Variants in NDRG2 observed in about 807,000 individuals in gnomAD.
The protein encoded by NDRG2 is NDRG family member 2.
Under a neutral mutation model 58.2 loss-of-function variants are expected in NDRG2, and 34 were observed. That is an observed-to-expected ratio of 0.58 (90% CI 0.44 to 0.78). The LOEUF (loss-of-function observed/expected upper bound fraction) is 0.78. Among genes scored for constraint, NDRG2 ranks in the 30% least tolerant of loss-of-function variants. The probability of loss-of-function intolerance (pLI) is 0.00; values close to 1 mark genes in which losing one functional copy is unlikely to be tolerated. For missense variants in NDRG2, 434 were observed against 471.2 expected, an observed-to-expected ratio of 0.92 and a Z score of 0.73; for synonymous variants, 187 against 175.9, an observed-to-expected ratio of 1.06 and a Z score of -0.50.
chr14:21,069,209 AC>A (rs897540014), intron 1 of NDRG2, among the ~76,000 whole-genome samples: 1 of 151,438 alleles, frequency 6.6e-6, no homozygotes, highest in Non-Finnish European at 1.5e-5. Context: ...CTCCTGGGAG[AC>A]CCCCCATCTG....
chr14:21,040,641 G>A lies in NDRG2; in HGVS notation c.25-17320C>T, dbSNP rs115453673. On this transcript the variant is annotated intron_variant, in intron 1 of 14. Transcript: ENST00000403829. ...ATGACCTGGTCTCTGGTCCCTCTCT[G>A]AACTCTCAGTTACCTGCTCCAGCCA... Among the ~76,000 whole-genome samples the A allele has an allele frequency of 6.8e-3, 1,036 of 152,230 alleles. 7 individuals are homozygous for A. The highest frequency in any genetic ancestry group is 0.024 in the African/African-American group (985 of 41,520).
At chr14:21,067,303 C>T (rs1249389436) in intron 1 of NDRG2, among the ~76,000 whole-genome samples, 3 of 151,432 alleles carry the variant, frequency 2.0e-5, no homozygotes, top group Non-Finnish European at 2.9e-5. Flanking sequence ...CTCTGACCCA[C>T]GGGGACATAT....
At position 21,070,238 on chromosome 14, in the gene NDRG2, G is replaced by C. The variant is rs1439186138; in HGVS notation, c.24+590C>G. On this transcript the variant is annotated intron_variant, in intron 1 of 14. Transcript: ENST00000403829. This position sits in a 1 kb window ranked among gnomAD's most constrained non-coding sequence, Gnocchi z 4.7. ...GGCGGCCGTCTCGGCCCTCCCTGGC[G>C]GGGCCCCGCGGCCTGGAAGCCGGAG... 4.2e-6 allele frequency: 3 copies of C among 708,482 alleles called. No individual in the cohort carries two copies. Among genetic ancestry groups the C allele is most frequent in the Non-Finnish European group, 5.6e-6 (3 of 532,512 alleles). The allele number at this position is 708,482 out of a possible 1,614,324, so 43.9% of individuals were successfully genotyped here.
intron 6 of NDRG2, 162 bp from the exon 7 acceptor site, chr14:21,021,006 G>C (rs2138903966): frequency 1.3e-6 from 1 of 784,450 alleles, no homozygotes; most frequent in Middle Eastern, 2.2e-4. Flanking sequence ...GGCCCAAGAA[G>C]CCAAAGGTTG....
At chr14:21,042,580 G>A in intron 1 of NDRG2, 1 of 207,534 alleles carries the variant, frequency 4.8e-6, no homozygotes. Context: ...CACGCATTGG[G>A]GAAAGGGGAG....
rs1594479782 is a variant in NDRG2, at chr14:21,032,260, A to C, written c.25-8939T>G. 5 of 700,974 alleles carry C rather than the reference A, an allele frequency of 7.1e-6. No homozygotes were observed. In the East Asian group the frequency reaches 1.4e-4, roughly 20 times the overall value. 43.4% of individuals were successfully genotyped at this position (700,974 alleles called of 1,614,324 possible). On this transcript the variant is annotated intron_variant, in intron 1 of 14. Transcript: ENST00000403829. ...CAGGAGGGTGGGTTCTCCACCACAC[A>C]CCCTTCGCTCTGCTTAGCCTTATGC...
intron 15 of NDRG2, 39 bp downstream of exon 15, chr14:21,017,948 C>G: frequency 6.2e-7 from 1 of 1,614,094 alleles, no homozygotes; most frequent in Non-Finnish European, 8.5e-7. Flanking sequence ...CAGTGCCTAT[C>G]TCTCCTCTAG....
At chr14:21,030,116 C>G (rs1038295705), upstream of NDRG2, 3 of 154,382 alleles carry the variant, frequency 1.9e-5, no homozygotes, top group Non-Finnish European at 1.4e-5. Flanking sequence ...AGACCAAAAG[C>G]CCCCTCCTTT....
chr14:21,056,981 C>T (rs1221438036), intron 1 of NDRG2, among the ~76,000 whole-genome samples: 1 of 152,200 alleles, frequency 6.6e-6, no homozygotes, highest in African/African-American at 2.4e-5. Flanking sequence ...GCGATCCCTT[C>T]ACTAGGAGTG....
At position 21,048,792 on chromosome 14, in the gene NDRG2, C is replaced by G. The variant is rs567031141; in HGVS notation, c.24+22036G>C. 2.0e-5 allele frequency among the ~76,000 whole-genome samples: 3 copies of G among 152,266 alleles called. No homozygotes were observed. In the East Asian group the frequency reaches 5.8e-4, roughly 29 times the overall value. On this transcript the variant is annotated intron_variant, in intron 1 of 14. Transcript: ENST00000403829. ...AATGGAGCAGGCCTGACTTCCGTGA[C>G]AGAAGAACAAAGGATTTAAACAAGG...
At chr14:21,032,211 T>A in intron 1 of NDRG2, 1 of 947,526 alleles carries the variant, frequency 1.1e-6, no homozygotes, top group Non-Finnish European at 1.7e-6. Context: ...CCTACTAGTG[T>A]AGAGAGAGGG....
chr14:21,030,901 C>A (rs1183849511), intron 1 of NDRG2: 2 of 1,511,938 alleles, frequency 1.3e-6, no homozygotes, highest in Non-Finnish European at 1.8e-6. Flanking sequence ...CTTCGAGACA[C>A]TCACTGATTG....
At chr14:21,021,737 C>T in intron 6 of NDRG2, 80 bp downstream of exon 6, 1 of 1,461,878 alleles carries the variant, frequency 6.8e-7, no homozygotes, top group Non-Finnish European at 9.4e-7. Context: ...GCTCAGGAAC[C>T]ACGGTGAACC....
chr14:21,037,643 G>A (rs1421116108), intron 1 of NDRG2, among the ~76,000 whole-genome samples: 1 of 152,164 alleles, frequency 6.6e-6, no homozygotes, highest in African/African-American at 2.4e-5. Flanking sequence ...TGAAGCCCTG[G>A]TCTAAATAAT....
At chr14:21,027,672 G>T (rs142008534), upstream of NDRG2, among the ~76,000 whole-genome samples, 1 of 152,182 alleles carries the variant, frequency 6.6e-6, no homozygotes, top group African/African-American at 2.4e-5. Context: ...CACATGCAAG[G>T]CATATTATTT....
At position 21,024,401 on chromosome 14, in the gene NDRG2, A is replaced by T; in HGVS notation, c.-378T>A. The T allele has an allele frequency of 2.2e-6, 2 of 899,174 alleles. No homozygotes were observed. The highest frequency in any genetic ancestry group is 2.7e-6 in the Non-Finnish European group (2 of 751,592). 55.7% of individuals were successfully genotyped at this position (899,174 alleles called of 1,614,324 possible). Reference sequence around the variant, plus strand: ...TTCGAATCCCGGCTCTGCCACTCCCAGTGTGACCTTGCCCCAGTTAGTTAC... The same window carrying T: ...TTCGAATCCCGGCTCTGCCACTCCCTGTGTGACCTTGCCCCAGTTAGTTAC... On this transcript the variant is annotated 5_prime_UTR_variant, in exon 1 of 16. Coordinates refer to ENST00000556147, the MANE Select transcript of NDRG2 (RefSeq NM_001320329.2).
chr14:21,058,724 G>T (rs112727634), intron 1 of NDRG2, among the ~76,000 whole-genome samples: 6,968 of 152,302 alleles, frequency 0.046, 187 homozygotes, highest in South Asian at 0.13. Context: ...GCTGTGGCTG[G>T]ACAGTCCAGG....
intron 1 of NDRG2, among the ~76,000 whole-genome samples, chr14:21,060,543 G>A (rs1885904820): frequency 1.3e-5 from 2 of 152,244 alleles, no homozygotes; most frequent in South Asian, 4.2e-4. Flanking sequence ...CTACTTGAGT[G>A]ACTTGATTTA....
In NDRG2 at chr14:21,070,291, C is replaced by G. The variant is rs1276911389; in HGVS notation, c.24+537G>C. ...GGCCGAGCCGCCACCGCGGCCGGAG[C>G]TGTCCCTTAGCCAGACCCGGCGAGA... On this transcript the variant is annotated intron_variant, in intron 1 of 14. Transcript: ENST00000403829. This position sits in a 1 kb window ranked among gnomAD's most constrained non-coding sequence, Gnocchi z 4.7. The G allele has an allele frequency of 8.2e-7, 1 of 1,217,534 alleles. No homozygotes were observed. 75.4% of individuals were successfully genotyped at this position (1,217,534 alleles called of 1,614,324 possible). A position where few individuals can be genotyped will look rare whatever the true frequency, so the allele number is the denominator to read the frequency against.
Sources: allele counts gnomAD v4.1 joint callset (sites outside exome capture counted in the v4.1 genomes callset), GRCh38; gene constraint gnomAD v4.1.1; non-coding constraint Gnocchi (gnomAD v3.1); transcripts MANE v1.5; gene names NCBI Gene and HGNC (gene_info 2026-07-23, HGNC 2026-07-21).